Variants in TNRC6B observed in about 807,000 individuals in gnomAD.
TNRC6B encodes trinucleotide repeat-containing gene 6B protein.
Under a neutral mutation model 203.6 loss-of-function variants are expected in TNRC6B, and 52 were observed. That is an observed-to-expected ratio of 0.26 (90% CI 0.20 to 0.32). The LOEUF (loss-of-function observed/expected upper bound fraction) is 0.32. TNRC6B is among the 10% of genes least tolerant of loss of function. The probability of loss-of-function intolerance (pLI) is 1.00; values close to 1 mark genes in which losing one functional copy is unlikely to be tolerated. For missense variants in TNRC6B, 1,923 were observed against 2,286.2 expected (o/e 0.84, Z 3.24); for synonymous variants, 838 against 845.7 (o/e 0.99, Z 0.16).
intron 1 of TNRC6B, among the ~76,000 whole-genome samples, chr22:40,225,752 A>C (rs2069775982): frequency 6.6e-6 from 1 of 151,172 alleles, no homozygotes. Context: ...CAAAAAAAAA[A>C]AAAAAAAAAA....
intron 11 of TNRC6B, 71 bp from the exon 12 acceptor site, chr22:40,285,574 G>C (rs901434822): frequency 6.5e-7 from 1 of 1,550,354 alleles, no homozygotes; most frequent in African/African-American, 1.4e-5. Context: ...GGATCTAAAA[G>C]ACCAGAACTG....
chr22:40,091,342 T>C (rs1196898245), intron 1 of TNRC6B, among the ~76,000 whole-genome samples: 2 of 152,106 alleles, frequency 1.3e-5, no homozygotes, highest in African/African-American at 4.8e-5. Flanking sequence ...ATCTGGCTTC[T>C]AGAGCTATAT....
intron 5 of TNRC6B, among the ~76,000 whole-genome samples, chr22:40,267,886 A>C (rs1184105743): frequency 6.6e-6 from 1 of 151,884 alleles, no homozygotes; most frequent in South Asian, 2.1e-4. Context: ...AAAAAGAGCG[A>C]TTGTTAGGAT....
intron 1 of TNRC6B, among the ~76,000 whole-genome samples, chr22:40,198,518 C>G (rs553152934): frequency 1.1e-4 from 17 of 151,828 alleles, no homozygotes; most frequent in Non-Finnish European, 2.4e-4. Context: ...GTGTCAGAGC[C>G]CAGGAGAGGT....
intron 1 of TNRC6B, among the ~76,000 whole-genome samples, chr22:40,185,895 G>A (rs2069195544): frequency 6.6e-6 from 1 of 152,176 alleles, no homozygotes; most frequent in South Asian, 2.1e-4. Context: ...GGTTTTTAAG[G>A]TGAATGATGG....
chr22:40,176,315 C>T (rs1040453140), upstream of TNRC6B, among the ~76,000 whole-genome samples: 7 of 151,930 alleles, frequency 4.6e-5, no homozygotes, highest in Non-Finnish European at 8.8e-5. Flanking sequence ...TTAGTAGAGA[C>T]GGGGTTTCTC....
At chr22:40,258,425 C>G (rs755281082) in intron 3 of TNRC6B, among the ~76,000 whole-genome samples, 11 of 152,004 alleles carry the variant, frequency 7.2e-5, no homozygotes, top group Non-Finnish European at 1.5e-4. Context: ...GTGTTGCTCT[C>G]CAATTAGTGC....
chr22:40,277,885 A>G (rs2070667374), intron 8 of TNRC6B, 114 bp from the exon 9 acceptor site: 1 of 766,564 alleles, frequency 1.3e-6, no homozygotes, highest in Non-Finnish European at 2.3e-6. Flanking sequence ...AGTTCATTTC[A>G]GAGAACCTTC....
intron 3 of TNRC6B, among the ~76,000 whole-genome samples, chr22:40,133,076 G>A (rs2068567240): frequency 6.8e-6 from 1 of 147,162 alleles, no homozygotes; most frequent in South Asian, 2.2e-4. Flanking sequence ...TATTTTATTT[G>A]GCATTTATGT....
At chr22:40,190,456 A>G (rs1484709792) in intron 1 of TNRC6B, among the ~76,000 whole-genome samples, 2 of 152,188 alleles carry the variant, frequency 1.3e-5, no homozygotes, top group Admixed American at 1.3e-4. Context: ...TTGGCTCTTC[A>G]TGAGTTATGA....
At chr22:40,253,280 C>T (rs1258500142) in intron 3 of TNRC6B, among the ~76,000 whole-genome samples, 3 of 148,406 alleles carry the variant, frequency 2.0e-5, no homozygotes, top group East Asian at 2.0e-4. Context: ...TTAGTAGAGA[C>T]GGGGTTTCAC....
At chr22:40,312,714 G>T in intron 18 of TNRC6B, 63 bp downstream of exon 18, 2 of 1,559,034 alleles carry the variant, frequency 1.3e-6, no homozygotes, top group South Asian at 2.4e-5. Flanking sequence ...GTCAGTTTGT[G>T]ACTTCATTTG....
chr22:40,236,602 G>A (rs1279245830), intron 1 of TNRC6B, among the ~76,000 whole-genome samples: 1 of 152,148 alleles, frequency 6.6e-6, no homozygotes, highest in African/African-American at 2.4e-5. Flanking sequence ...TCAGGGATAG[G>A]TTTTGATGCT....
chr22:40,063,949 C>T (rs867779209), intron 1 of TNRC6B, among the ~76,000 whole-genome samples: 5 of 152,146 alleles, frequency 3.3e-5, no homozygotes, highest in East Asian at 1.9e-4. Flanking sequence ...GTGATCCTCC[C>T]GCCTCAGCCT....
chr22:40,242,700 A>T (rs1022569431), intron 1 of TNRC6B, among the ~76,000 whole-genome samples: 1 of 150,814 alleles, frequency 6.6e-6, no homozygotes, highest in Non-Finnish European at 1.5e-5. Flanking sequence ...AAAGTGCTGG[A>T]ATTACAGGCG....
chr22:40,227,766 G>A (rs967169462), intron 1 of TNRC6B, among the ~76,000 whole-genome samples: 1 of 152,122 alleles, frequency 6.6e-6, no homozygotes, highest in Non-Finnish European at 1.5e-5. Context: ...GAAAAACTGT[G>A]TCGAACCATA....
chr22:40,220,078 C>G (rs977545266), intron 1 of TNRC6B, among the ~76,000 whole-genome samples: 3 of 152,194 alleles, frequency 2.0e-5, no homozygotes, highest in East Asian at 1.9e-4. Context: ...ATAGAGCTTA[C>G]AAACTCCTTG....
At chr22:40,072,618 C>T (rs975088003) in intron 1 of TNRC6B, among the ~76,000 whole-genome samples, 1 of 152,076 alleles carries the variant, frequency 6.6e-6, no homozygotes. Context: ...AATCCCAGCA[C>T]TTTGGGAAGC....
At chr22:40,212,145 T>A (rs1168564709) in intron 1 of TNRC6B, among the ~76,000 whole-genome samples, 1 of 152,234 alleles carries the variant, frequency 6.6e-6, no homozygotes, top group Non-Finnish European at 1.5e-5. Flanking sequence ...ATTTACTTAG[T>A]TGTACTTAAG....
Sources: gnomAD v4.1 joint callset for allele counts (sites outside exome capture counted in the v4.1 genomes callset) on GRCh38, gnomAD v4.1.1 for gene constraint, MANE v1.5 for transcripts, NCBI Gene and HGNC (gene_info 2026-07-23, HGNC 2026-07-21) for gene names.